The following OTUD7B variants were observed in gnomAD, a reference collection of about 807,000 sequenced individuals.
OTUD7B encodes OTU domain-containing protein 7B.
Under a neutral mutation model 82.2 loss-of-function variants are expected in OTUD7B, and 34 were observed. That is an observed-to-expected ratio of 0.41 (90% confidence interval 0.31 to 0.55). OTUD7B has a LOEUF of 0.55. Among genes scored for constraint, OTUD7B ranks in the 20% least tolerant of loss-of-function variants. OTUD7B has a pLI of 0.20. For missense variants in OTUD7B, 944 were observed against 1,062.1 expected (o/e 0.89, Z 1.55); for synonymous variants, 398 against 402.7 (o/e 0.99, Z 0.14).
Position 149,943,494 on chromosome 1 carries a change from T to G in OTUD7B, c.*363A>C. The G allele has an allele frequency of 4.6e-6, 1 of 216,892 alleles. No individual in the cohort carries two copies. The highest frequency in any genetic ancestry group is 9.1e-6 in the Non-Finnish European group (1 of 109,576). The allele number at this position is 216,892 out of a possible 1,614,324, so 13.4% of individuals were successfully genotyped here. A position where few individuals can be genotyped will look rare whatever the true frequency, so the allele number is the denominator to read the frequency against. The stretch of plus-strand genomic sequence containing the variant: ...ACTGAGAACCTCCTTTGCCCATTCC[T>G]CCCCAAGACTTCTGCCCACCTCCCA... On this transcript the variant is annotated 3_prime_UTR_variant, in exon 12 of 12. Coordinates refer to ENST00000581312, the MANE Select transcript of OTUD7B (RefSeq NM_020205.4).
rs190231138 is a variant in OTUD7B at position 149,973,418 on chromosome 1, C to T, written c.86-2167G>A. On this transcript the variant is annotated intron_variant, in intron 2 of 11. Coordinates refer to ENST00000581312, the MANE Select transcript of OTUD7B (RefSeq NM_020205.4). Reference sequence around the variant, plus strand: ...CTGCCTGGGTGACAGAGTGAGACCCCATCTCATACAAAACAAAACAAAAAT... The same window carrying T: ...CTGCCTGGGTGACAGAGTGAGACCCTATCTCATACAAAACAAAACAAAAAT... 2.5e-3 allele frequency among the ~76,000 whole-genome samples: 378 copies of T among 152,230 alleles called. 1 individual carries two copies. Among genetic ancestry groups the T allele is most frequent in the African/African-American group, 8.5e-3 (353 of 41,548 alleles).
At chr1:149,964,131 A>G in intron 6 of OTUD7B, 91 bp downstream of exon 6, 1 of 1,467,906 alleles carries the variant, frequency 6.8e-7, no homozygotes, top group Non-Finnish European at 9.4e-7. Context: ...TGACCTAAAC[A>G]CTTGGAAATA....
chr1:150,013,049 G>A (rs1362272819), upstream of OTUD7B, among the ~76,000 whole-genome samples: 1 of 152,206 alleles, frequency 6.6e-6, no homozygotes, highest in Non-Finnish European at 1.5e-5. Flanking sequence ...ATGCTCAGAG[G>A]CAGCTGTTTA....
intron 2 of OTUD7B, among the ~76,000 whole-genome samples, chr1:149,972,491 T>A (rs1553777827): frequency 2.0e-5 from 3 of 152,160 alleles, no homozygotes; most frequent in Non-Finnish European, 4.4e-5. Context: ...CTTTAGGTAT[T>A]TGCTTAAACA....
chr1:149,989,339 G>C (rs781829560), intron 1 of OTUD7B, among the ~76,000 whole-genome samples: 3 of 151,900 alleles, frequency 2.0e-5, no homozygotes, highest in Non-Finnish European at 4.4e-5. Context: ...CAGGCGTGGT[G>C]GTGGGCACCT....
At chr1:150,036,921 T>C in the OTUD7B span, among the ~76,000 whole-genome samples, 1 of 152,220 alleles carries the variant, frequency 6.6e-6, no homozygotes, top group Non-Finnish European at 1.5e-5. Flanking sequence ...ATTATTCATC[T>C]AGTAAGATCT....
At chr1:150,055,198 C>T in the OTUD7B span, among the ~76,000 whole-genome samples, 255 of 151,916 alleles carry the variant, frequency 1.7e-3, no homozygotes, top group African/African-American at 6.0e-3. Context: ...CCACCACGCC[C>T]GGCTAATTTT....
At chr1:150,038,625 G>A in the OTUD7B span, among the ~76,000 whole-genome samples, 1 of 151,644 alleles carries the variant, frequency 6.6e-6, no homozygotes, top group African/African-American at 2.4e-5. Context: ...GAGCTCAAAT[G>A]ATTCACCCAC....
intron 1 of OTUD7B, among the ~76,000 whole-genome samples, chr1:149,982,160 A>G (rs1457656056): frequency 6.8e-6 from 1 of 148,044 alleles, no homozygotes; most frequent in African/African-American, 2.6e-5. Context: ...AAATAAATAA[A>G]TAAATAAATA....
Position 149,944,544 on chromosome 1 carries a change from C to T in OTUD7B, c.1845G>A (p.Leu615=). Residue 615 remains leucine (L), a synonymous_variant, in exon 12 of 12, where the codon CTG becomes CTA. Coordinates refer to ENST00000581312, the MANE Select transcript of OTUD7B (RefSeq NM_020205.4). The part of the protein sequence containing the change: ...GEGKFIFVGT[L]KMGHRHQYQE... The stretch of plus-strand genomic sequence containing the variant: ...GATACTGGTGACGGTGACCCATCTT[C>T]AGGGTTCCAACAAAAATAAACTTCC... 2 of 1,614,122 alleles carry T rather than the reference C, an allele frequency of 1.2e-6. No homozygotes were observed. Among genetic ancestry groups the T allele is most frequent in the Non-Finnish European group, 1.7e-6 (2 of 1,180,026 alleles).
intron 1 of OTUD7B, among the ~76,000 whole-genome samples, chr1:149,983,992 T>C (rs1650964160): frequency 6.6e-6 from 1 of 152,232 alleles, no homozygotes. Flanking sequence ...TTAGTTTCCT[T>C]ATCCATTTCA....
At chr1:149,979,882 C>A (rs1244490976) in intron 1 of OTUD7B, among the ~76,000 whole-genome samples, 7 of 152,066 alleles carry the variant, frequency 4.6e-5, no homozygotes, top group African/African-American at 1.7e-4. Flanking sequence ...CATGAATAAT[C>A]CAAAACCAAG....
the OTUD7B span, among the ~76,000 whole-genome samples, chr1:150,057,246 T>C: frequency 6.6e-6 from 1 of 152,190 alleles, no homozygotes; most frequent in Non-Finnish European, 1.5e-5. Flanking sequence ...TTAATAGTAT[T>C]TTACCAATGA....
At chr1:149,999,908 C>T (rs1652162826) in intron 1 of OTUD7B, among the ~76,000 whole-genome samples, 1 of 152,026 alleles carries the variant, frequency 6.6e-6, no homozygotes, top group Non-Finnish European at 1.5e-5. Flanking sequence ...TTAAAATGAC[C>T]CTGACTTTTC....
intron 5 of OTUD7B, among the ~76,000 whole-genome samples, chr1:149,964,919 T>C (rs1649426888): frequency 6.8e-6 from 1 of 146,776 alleles, no homozygotes; most frequent in African/African-American, 2.5e-5. Flanking sequence ...AGACAGAGTC[T>C]TGCTTTGTTG....
At chr1:150,043,778 G>C in the OTUD7B span, among the ~76,000 whole-genome samples, 1 of 152,224 alleles carries the variant, frequency 6.6e-6, no homozygotes, top group South Asian at 2.1e-4. Context: ...CATAGTCAAG[G>C]ATGTAGACAC....
chr1:150,025,346 C>T, the OTUD7B span, among the ~76,000 whole-genome samples: 4 of 151,892 alleles, frequency 2.6e-5, no homozygotes, highest in East Asian at 1.9e-4. Flanking sequence ...ACCCAGGAGG[C>T]GGAGGTTGCA....
the OTUD7B span, among the ~76,000 whole-genome samples, chr1:150,027,860 CT>C: frequency 6.6e-6 from 1 of 151,776 alleles, no homozygotes; most frequent in Admixed American, 6.6e-5. Context: ...AAAAAACTGA[CT>C]AATTTGGTGA....
intron 6 of OTUD7B, 99 bp downstream of exon 6, chr1:149,964,123 A>C: frequency 7.2e-7 from 1 of 1,391,912 alleles, no homozygotes; most frequent in Non-Finnish European, 1.0e-6. Context: ...AGTCACACTG[A>C]CCTAAACACT....
Sources: gnomAD v4.1 joint callset for allele counts (sites outside exome capture counted in the v4.1 genomes callset) on GRCh38, gnomAD v4.1.1 for gene constraint, MANE v1.5 for transcripts, NCBI Gene and HGNC (gene_info 2026-07-23, HGNC 2026-07-21) for gene names.